The following PTPRD variants were observed in gnomAD, a reference collection of about 807,000 sequenced individuals.
The protein encoded by PTPRD is protein tyrosine phosphatase receptor type D, also known as receptor-type tyrosine-protein phosphatase delta.
In PTPRD, 34 loss-of-function variants were observed where a neutral mutation model predicts 214.5. The ratio of observed to expected loss-of-function variants is 0.16; its 90% CI spans 0.12 to 0.21. The LOEUF is 0.21. Among genes scored for constraint, PTPRD ranks in the 10% least tolerant of loss-of-function variants. PTPRD has a pLI of 1.00. For synonymous variants in PTPRD, 1,128 were observed against 845.7 expected (o/e 1.33, Z -5.79); for missense variants, 2,545 against 2,398.7 (o/e 1.06, Z -1.27).
At chr9:8,696,572 A>G (rs1322384095) in intron 12 of PTPRD, among the ~76,000 whole-genome samples, 2 of 152,192 alleles carry the variant, frequency 1.3e-5, no homozygotes, top group African/African-American at 2.4e-5. Context: ...AAGGCATCAC[A>G]GAAGAGGGGG....
chr9:9,172,239 T>C (rs1283576183), intron 10 of PTPRD, among the ~76,000 whole-genome samples: 1 of 152,106 alleles, frequency 6.6e-6, no homozygotes, highest in East Asian at 1.9e-4. Context: ...CATGAATATT[T>C]GTCAAAAAAG....
intron 44 of PTPRD, among the ~76,000 whole-genome samples, chr9:8,329,935 C>G (rs1294309911): frequency 3.6e-5 from 2 of 55,562 alleles, no homozygotes; most frequent in African/African-American, 8.7e-4. Flanking sequence ...GCCAGTGGAT[C>G]GTATCTTGCT....
intron 8 of PTPRD, among the ~76,000 whole-genome samples, chr9:9,453,696 A>G (rs2092586142): frequency 6.6e-6 from 1 of 151,806 alleles, no homozygotes; most frequent in South Asian, 2.1e-4. Flanking sequence ...CTTAACAGAT[A>G]TAAGTAACAT....
chr9:8,523,565 G>A (rs1233231388), intron 18 of PTPRD, 41 bp from the exon 19 acceptor site: 2 of 1,610,176 alleles, frequency 1.2e-6, no homozygotes, highest in Admixed American at 1.7e-5. Flanking sequence ...ACAATGAAAT[G>A]AGGAAAGGAG....
rs71270610 is a variant in PTPRD, at chr9:10,363,991, G to GTTTTTT, written c.-599-22980_-599-22975dup. On this transcript the variant is annotated intron_variant, in intron 2 of 45. Coordinates refer to ENST00000381196, the MANE Select transcript of PTPRD (RefSeq NM_002839.4). ...ATTATTATTGCCTCCACATTTTCGG[G>GTTTTTT]TTTTTTTTTTTTTTTTTTTTTTTTT... 1.6e-3 allele frequency among the ~76,000 whole-genome samples: 57 copies of GTTTTTT among 35,120 alleles called. 11 individuals are homozygous for GTTTTTT. The highest frequency in any genetic ancestry group is 6.7e-3 in the African/African-American group (54 of 8,098). The allele number at this position is 35,120 out of a possible 152,430, so 23.0% of individuals were successfully genotyped here.
At chr9:9,362,723 A>G (rs1435242747) in intron 9 of PTPRD, among the ~76,000 whole-genome samples, 1 of 151,294 alleles carries the variant, frequency 6.6e-6, no homozygotes. Context: ...TTTAAAATCT[A>G]TAATACTTTT....
intron 7 of PTPRD, among the ~76,000 whole-genome samples, chr9:9,700,480 T>C (rs1224680985): frequency 6.6e-6 from 1 of 152,126 alleles, no homozygotes; most frequent in African/African-American, 2.4e-5. Context: ...TTTGGAACCA[T>C]ACTATTCTAA....
At chr9:9,092,914 A>G (rs1224634376) in intron 10 of PTPRD, among the ~76,000 whole-genome samples, 1 of 152,042 alleles carries the variant, frequency 6.6e-6, no homozygotes, top group Non-Finnish European at 1.5e-5. Context: ...AAAAAACCCA[A>G]TACTCTATTA....
chr9:10,100,495 C>T (rs528380138), intron 3 of PTPRD, among the ~76,000 whole-genome samples: 352 of 151,592 alleles, frequency 2.3e-3, no homozygotes, highest in African/African-American at 8.1e-3. Flanking sequence ...CTCGGAAATA[C>T]ATTTAGAAAG....
intron 7 of PTPRD, among the ~76,000 whole-genome samples, chr9:9,677,633 G>A (rs1405686250): frequency 6.6e-6 from 1 of 152,016 alleles, no homozygotes; most frequent in Non-Finnish European, 1.5e-5. Context: ...ACAAAAACTG[G>A]AAGCATTCCC....
At chr9:8,398,974 C>T in intron 36 of PTPRD, among the ~76,000 whole-genome samples, 1 of 152,014 alleles carries the variant, frequency 6.6e-6, no homozygotes, top group East Asian at 1.9e-4. Context: ...TTAAAGAATG[C>T]ATATTACATA....
intron 21 of PTPRD, among the ~76,000 whole-genome samples, chr9:8,508,182 A>T (rs1393135202): frequency 6.6e-6 from 1 of 152,236 alleles, no homozygotes; most frequent in African/African-American, 2.4e-5. Flanking sequence ...ACTTAAAGAG[A>T]TCATCTATAA....
intron 2 of PTPRD, among the ~76,000 whole-genome samples, chr9:10,499,900 TA>T (rs1180943033): frequency 2.0e-5 from 3 of 151,892 alleles, no homozygotes. Flanking sequence ...ATGTTAATTT[TA>T]AAAAATTACA....
intron 2 of PTPRD, among the ~76,000 whole-genome samples, chr9:10,349,919 C>T (rs1164438786): frequency 6.6e-6 from 1 of 152,144 alleles, no homozygotes; most frequent in Non-Finnish European, 1.5e-5. Flanking sequence ...ACCTCGTCCC[C>T]CAAAGTGCTG....
intron 8 of PTPRD, among the ~76,000 whole-genome samples, chr9:9,399,377 G>A (rs1419685656): frequency 6.6e-6 from 1 of 151,918 alleles, no homozygotes; most frequent in Admixed American, 6.6e-5. Context: ...TCTCATCATA[G>A]GAGGAACATG....
At chr9:8,960,018 T>G (rs2099150717) in intron 11 of PTPRD, among the ~76,000 whole-genome samples, 1 of 152,036 alleles carries the variant, frequency 6.6e-6, no homozygotes, top group African/African-American at 2.4e-5. Flanking sequence ...AACGGTTGAT[T>G]TTACAGAAAT....
At chr9:9,468,568 A>G (rs568855536) in intron 8 of PTPRD, among the ~76,000 whole-genome samples, 1 of 152,148 alleles carries the variant, frequency 6.6e-6, no homozygotes, top group African/African-American at 2.4e-5. Flanking sequence ...ATCAGTTATT[A>G]ATATTCAATG....
At chr9:8,664,051 C>T (rs990692282) in intron 12 of PTPRD, among the ~76,000 whole-genome samples, 2 of 152,060 alleles carry the variant, frequency 1.3e-5, no homozygotes, top group African/African-American at 2.4e-5. Context: ...TCTACCATGT[C>T]GAGAGGATAT....
chr9:9,494,157 T>C (rs953204756), intron 8 of PTPRD, among the ~76,000 whole-genome samples: 1 of 151,802 alleles, frequency 6.6e-6, no homozygotes, highest in Admixed American at 6.6e-5. Context: ...ACATGAGGAG[T>C]TGCTTCTTAT....
Sources: allele counts gnomAD v4.1 joint callset (sites outside exome capture counted in the v4.1 genomes callset), GRCh38; gene constraint gnomAD v4.1.1; transcripts MANE v1.5; gene names NCBI Gene and HGNC (gene_info 2026-07-23, HGNC 2026-07-21).